ZNF800: variants seen among roughly 807,000 people sequenced by gnomAD.
ZNF800 encodes the protein zinc finger protein 800.
Under a neutral mutation model 59.5 loss-of-function variants are expected in ZNF800, and 13 were observed. The ratio of observed to expected loss-of-function variants is 0.22; its 90% CI spans 0.14 to 0.35. ZNF800 has a LOEUF of 0.35. Among genes scored for constraint, ZNF800 ranks in the 10% least tolerant of loss-of-function variants. ZNF800 has a pLI of 1.00. For synonymous variants in ZNF800, 266 were observed against 265.7 expected (o/e 1.00, Z -0.01); for missense variants, 621 against 783.7 (o/e 0.79, Z 2.48).
intron 2 of ZNF800, among the ~76,000 whole-genome samples, chr7:127,389,065 A>G (rs1234580423): frequency 6.6e-6 from 1 of 152,130 alleles, no homozygotes; most frequent in Non-Finnish European, 1.5e-5. Flanking sequence ...TATAACATTG[A>G]CTTTTGTAAG....
At chr7:127,390,993 T>A (rs991057687) in intron 2 of ZNF800, among the ~76,000 whole-genome samples, 1 of 152,244 alleles carries the variant, frequency 6.6e-6, no homozygotes, top group Non-Finnish European at 1.5e-5. Flanking sequence ...AAGATATTTT[T>A]TTAAAGGTTG....
chr7:127,350,535 C>T (rs535693306), intron 1 of ZNF800: 1 of 152,120 alleles, frequency 6.6e-6, no homozygotes, highest in Non-Finnish European at 1.5e-5. Context: ...TTTAATAGAA[C>T]GAAAGCAGAA....
At chr7:127,363,086 G>A (rs192204496) in intron 1 of ZNF800, 2 of 152,292 alleles carry the variant, frequency 1.3e-5, no homozygotes, top group East Asian at 3.9e-4. Context: ...GTAACCGGAA[G>A]GGTAGGGGTT....
chr7:127,372,770 G>C (rs1252783584), intron 5 of ZNF800: 1 of 985,136 alleles, frequency 1.0e-6, no homozygotes, highest in Non-Finnish European at 1.2e-6. Flanking sequence ...GAAGCACTAT[G>C]TTAAAAGTAA....
intron 1 of ZNF800, among the ~76,000 whole-genome samples, chr7:127,354,954 T>C (rs1800240582): frequency 6.6e-6 from 1 of 152,128 alleles, no homozygotes; most frequent in African/African-American, 2.4e-5. Flanking sequence ...TTATTCTGTA[T>C]TGAAAGTAAA....
At chr7:127,347,412 T>C (rs1433265440) in exon 2 of ZNF800, 2 of 151,704 alleles carry the variant, frequency 1.3e-5, no homozygotes, top group Non-Finnish European at 2.9e-5. Context: ...GGGGGGAAAC[T>C]AGTTTGTCGA....
rs1426581859 is a variant in ZNF800, at chr7:127,377,611, A to G, written c.158-282T>C. Among the ~76,000 whole-genome samples, 1 of 152,006 alleles carries G rather than the reference A, an allele frequency of 6.6e-6. No individual in the cohort carries two copies. The highest frequency in any genetic ancestry group is 2.4e-5 in the African/African-American group (1 of 41,400). On this transcript the variant is annotated intron_variant, in intron 3 of 5. Coordinates refer to ENST00000265827, the MANE Select transcript of ZNF800 (RefSeq NM_176814.5). The surrounding 1 kb of genome is among the most constrained non-coding windows in gnomAD (Gnocchi z 4.7). ...TATATCCCAAGGCAGTGGTTCCGACATGAGGTTAATCATTACAATGAGCTG... is the reference window on the plus strand; with the variant it reads ...TATATCCCAAGGCAGTGGTTCCGACGTGAGGTTAATCATTACAATGAGCTG...
At position 127,372,879 on chromosome 7, in the gene ZNF800, A is replaced by G. The variant is rs1272250470; in HGVS notation, c.1994+463T>C. The G allele has an allele frequency of 3.0e-6, 3 of 985,182 alleles. No homozygotes were observed. The African/African-American group carries it at 5.2e-5, about 17-fold the overall frequency. The allele number at this position is 985,182 out of a possible 1,614,324, so 61.0% of individuals were successfully genotyped here. Reference sequence around the variant, plus strand: ...ACAGATTAATTTTTACAATAATTACAGTGCCTCAAAAGATTTTTTCCTATA... The same window carrying G: ...ACAGATTAATTTTTACAATAATTACGGTGCCTCAAAAGATTTTTTCCTATA... On this transcript the variant is annotated intron_variant, in intron 5 of 5. Coordinates refer to ENST00000265827, the MANE Select transcript of ZNF800 (RefSeq NM_176814.5).
downstream of ZNF800, among the ~76,000 whole-genome samples, chr7:127,365,761 T>C (rs1800492270): frequency 6.6e-6 from 1 of 152,168 alleles, no homozygotes; most frequent in Non-Finnish European, 1.5e-5. Context: ...CTTCTGTGTA[T>C]CTTGGCTTTA....
chr7:127,373,306 G>C, intron 5 of ZNF800, 36 bp downstream of exon 5: 3 of 1,533,728 alleles, frequency 2.0e-6, no homozygotes, highest in Non-Finnish European at 2.6e-6. Context: ...AGTTCGATGG[G>C]GGGAAAAAAG....
At chr7:127,385,339 G>C (rs184905019) in intron 3 of ZNF800, among the ~76,000 whole-genome samples, 2 of 152,310 alleles carry the variant, frequency 1.3e-5, no homozygotes, top group African/African-American at 4.8e-5. Flanking sequence ...GGGTGGACAA[G>C]TGGATTATAG....
chr7:127,350,611 C>G (rs1749814861), intron 1 of ZNF800: 1 of 152,234 alleles, frequency 6.6e-6, no homozygotes, highest in African/African-American at 2.4e-5. Context: ...TCCTCCAAGA[C>G]TTTCAAGTTA....
chr7:127,359,994 C>T (rs1471283675), intron 1 of ZNF800: 1 of 151,792 alleles, frequency 6.6e-6, no homozygotes, highest in Admixed American at 6.6e-5. Context: ...GTGGATCACA[C>T]ACCATCAGCA....
chr7:127,358,679 A>G (rs1051971939), intron 1 of ZNF800, among the ~76,000 whole-genome samples: 10 of 152,080 alleles, frequency 6.6e-5, no homozygotes, highest in Admixed American at 4.6e-4. Context: ...TCAAGAATAA[A>G]TTTAGGAATT....
In ZNF800 at chr7:127,374,819, T is replaced by C. The variant is rs1432168959; in HGVS notation, c.517A>G (p.Thr173Ala). The change falls in exon 5 of 6, where the codon ACT becomes GCT. Residue 173 changes from threonine (T) to alanine (A), a missense_variant. This residue lies in a region of ZNF800 where 218 missense variants were observed against 230.8 expected (regional missense o/e 0.94). Coordinates refer to ENST00000265827, the MANE Select transcript of ZNF800 (RefSeq NM_176814.5). ...ACTGTTTTTGACTGTTCAGTGCTAG[T>C]TTCCTGTATCTGAACTTCGGTTTGT... ...PEQTEVQIQE[T>A]STEQSKTVPV... The C allele has an allele frequency of 1.2e-6, 2 of 1,613,474 alleles. No individual in the cohort carries two copies. The highest frequency in any genetic ancestry group is 8.5e-7 in the Non-Finnish European group (1 of 1,179,710).
At chr7:127,343,966 A>C (rs1369830112), downstream of ZNF800, among the ~76,000 whole-genome samples, 2 of 152,044 alleles carry the variant, frequency 1.3e-5, no homozygotes, top group African/African-American at 4.8e-5. Context: ...ATCAAACCAC[A>C]TCTTTAACAT....
intron 1 of ZNF800, 105 bp downstream of exon 1, chr7:127,391,955 C>A: frequency 5.3e-6 from 2 of 376,930 alleles, no homozygotes; most frequent in Non-Finnish European, 9.4e-6. Flanking sequence ...ACGGAGGTGC[C>A]GCTCCCGCCG....
intron 3 of ZNF800, among the ~76,000 whole-genome samples, chr7:127,379,310 T>G (rs917618737): frequency 1.3e-4 from 20 of 152,162 alleles, no homozygotes; most frequent in Non-Finnish European, 2.5e-4. Flanking sequence ...CTAATTGACC[T>G]ATATATATTT....
chr7:127,374,517 G>T lies in ZNF800; in HGVS notation c.819C>A (p.Ser273=), dbSNP rs558838802. 2.5e-6 allele frequency: 4 copies of T among 1,613,982 alleles called. No homozygotes were observed. Among genetic ancestry groups the T allele is most frequent in the Non-Finnish European group, 3.4e-6 (4 of 1,179,998 alleles). The change falls in exon 5 of 6, where the codon TCC becomes TCA. Residue 273 remains serine, a synonymous_variant. Transcript: ENST00000265827. ...GAACATTCTTACTGCGTCCTTTAGAGGATTGGTTTGGATTCTTTCGTGTTT... is the reference window on the plus strand; with the variant it reads ...GAACATTCTTACTGCGTCCTTTAGATGATTGGTTTGGATTCTTTCGTGTTT... ...YIETRKNPNQ[S]SKGRSKNVLV... is the part of the protein sequence containing the mutation.
Sources: gnomAD v4.1 joint callset for allele counts (sites outside exome capture counted in the v4.1 genomes callset) on GRCh38, gnomAD v4.1.1 for gene constraint, gnomAD v4.1.1 regional missense constraint, Gnocchi (gnomAD v3.1) non-coding constraint, MANE v1.5 for transcripts, NCBI Gene and HGNC (gene_info 2026-07-23, HGNC 2026-07-21) for gene names.